Variants in MAP3K15 observed in about 807,000 individuals in gnomAD.
The protein encoded by MAP3K15 is mitogen-activated protein kinase kinase kinase 15.
MAP3K15 carries 124 observed loss-of-function variants against 99.5 expected under a neutral mutation model. That is an observed-to-expected ratio of 1.25 (90% CI 1.08 to 1.45). The LOEUF is 1.45. Ranked by LOEUF, MAP3K15 falls within the 40% of genes most tolerant of loss-of-function variation. The pLI, the probability that MAP3K15 is intolerant of heterozygous loss-of-function variation, is 0.00. For synonymous variants in MAP3K15, 494 were observed against 439.6 expected (o/e 1.12, Z -1.55); for missense variants, 1,242 against 1,079.7 (o/e 1.15, Z -2.11).
intron 1 of MAP3K15, among the ~76,000 whole-genome samples, chrX:19,513,455 T>C (rs1032752690): frequency 1.8e-5 from 2 of 111,824 alleles, no homozygotes; most frequent in African/African-American, 6.5e-5. Flanking sequence ...TGAACGACTT[T>C]TCTAAAAAGA....
chrX:19,402,206 G>A (rs1440437192), intron 13 of MAP3K15, among the ~76,000 whole-genome samples: 1 of 109,746 alleles, frequency 9.1e-6, no homozygotes, highest in Non-Finnish European at 1.9e-5. Context: ...GAGGTAGGAA[G>A]ATTGCTTGAG....
intron 1 of MAP3K15, among the ~76,000 whole-genome samples, chrX:19,505,565 G>A (rs1277205774): frequency 2.7e-5 from 3 of 110,391 alleles, no homozygotes; most frequent in Non-Finnish European, 5.7e-5. Context: ...GTTCCCATGG[G>A]GACCATGGAA....
Position 19,431,746 on chromosome X carries a change from C to T in MAP3K15, c.996-138G>A, listed in dbSNP as rs748632900. On this transcript the variant is annotated intron_variant, in intron 6 of 28. Coordinates refer to ENST00000338883, the MANE Select transcript of MAP3K15 (RefSeq NM_001001671.4). ...AGATCATTTGAGGTCAGGAGTTCAA[C>T]ACCAGCCTGGCCAACATGGTGAAAA... 3.7e-5 allele frequency: 16 copies of T among 434,875 alleles called. No homozygotes were observed. In the South Asian group the frequency reaches 6.8e-4, roughly 19 times the overall value. 35.8% of individuals were successfully genotyped at this position (434,875 alleles called of 1,213,427 possible).
At chrX:19,432,572 GAAAGA>G (rs1393938707) in intron 6 of MAP3K15, among the ~76,000 whole-genome samples, 1 of 104,626 alleles carries the variant, frequency 9.6e-6, no homozygotes. Context: ...AAAAAAAAAA[GAAAGA>G]AAAGAAAAGG....
chrX:19,392,078 G>A lies in MAP3K15; in HGVS notation c.2355C>T (p.Ser785=), dbSNP rs759767293. ...KGDNVLVNTY[S]GVVKISDFGT... is the part of the protein sequence containing the mutation. ...CAAAATCGGAGATTTTCACCACTCCGCTGTAGGTGTTCACCAGAACATTAT... is the reference window on the plus strand; with the variant it reads ...CAAAATCGGAGATTTTCACCACTCCACTGTAGGTGTTCACCAGAACATTAT... Residue 785 remains serine (S), a synonymous_variant, in exon 18 of 29, where the codon AGC becomes AGT. Transcript: ENST00000338883. 1.7e-5 allele frequency: 21 copies of A among 1,208,377 alleles called. No homozygotes were observed. Among genetic ancestry groups the A allele is most frequent in the African/African-American group, 8.7e-5 (5 of 57,234 alleles).
chrX:19,487,317 G>C (rs1343888174), intron 2 of MAP3K15, among the ~76,000 whole-genome samples: 1 of 110,699 alleles, frequency 9.0e-6, no homozygotes, highest in African/African-American at 3.3e-5. Flanking sequence ...AAAACATCTA[G>C]TCCATTGAAC....
At chrX:19,400,883 C>T (rs1351234647) in intron 13 of MAP3K15, among the ~76,000 whole-genome samples, 5 of 111,661 alleles carry the variant, frequency 4.5e-5, no homozygotes, top group Non-Finnish European at 9.4e-5. Flanking sequence ...GTATCTCCAC[C>T]AACTGGTTGA....
In MAP3K15 at chrX:19,360,711, C is replaced by T. The variant is rs1288636445; in HGVS notation, c.*38G>A. ...ACAGAAGCTTTAACAAAACATGTAG[C>T]GTGGTGGGACACTCTGCCACAGCTT... On this transcript the variant is annotated 3_prime_UTR_variant, in exon 29 of 29. Transcript: ENST00000338883. 2.9e-6 allele frequency: 3 copies of T among 1,035,707 alleles called. No homozygotes were observed. Among genetic ancestry groups the T allele is most frequent in the Non-Finnish European group, 4.1e-6 (3 of 739,623 alleles). The allele number at this position is 1,035,707 out of a possible 1,213,427, so 85.4% of individuals were successfully genotyped here.
Position 19,361,408 on chromosome X carries a change from T to C in MAP3K15, c.3788A>G (p.Glu1263Gly). The C allele has an allele frequency of 8.3e-7, 1 of 1,207,502 alleles. No homozygotes were observed. The highest frequency in any genetic ancestry group is 1.1e-6 in the Non-Finnish European group (1 of 891,694). ...AATATCCGAAAGTGTATAACCCTCT[T>C]CAACAATCTGAAACAAAGATCAGAT... ...ADAKTIEKIV[E>G]EGYTLSDILN... The change falls in exon 28 of 29, where the codon GAA becomes GGA. Residue 1263 changes from glutamate (E) to glycine (G), a missense_variant. Coordinates refer to ENST00000338883, the MANE Select transcript of MAP3K15 (RefSeq NM_001001671.4).
chrX:19,365,356 G>A (rs1431950066), intron 25 of MAP3K15, among the ~76,000 whole-genome samples: 1 of 112,360 alleles, frequency 8.9e-6, no homozygotes, highest in African/African-American at 3.2e-5. Context: ...GCCTTGCTGG[G>A]TTTCCCCACT....
intron 9 of MAP3K15, among the ~76,000 whole-genome samples, chrX:19,415,962 T>C (rs1337111967): frequency 8.9e-6 from 1 of 112,024 alleles, no homozygotes; most frequent in Non-Finnish European, 1.9e-5. Flanking sequence ...TAGTGCATAC[T>C]GCACTACTGT....
At chrX:19,367,723 A>ACTTTTTTTTTTTTTTTT (rs2063344451) in intron 25 of MAP3K15, among the ~76,000 whole-genome samples, 3 of 24,107 alleles carry the variant, frequency 1.2e-4, no homozygotes, top group Admixed American at 5.4e-4. Context: ...ATAACTATGG[A>ACTTTTTTTTTTTTTTTT]TTTTTTTTTT....
chrX:19,455,513 A>ATTTTTTTTT (rs755405077), intron 6 of MAP3K15, among the ~76,000 whole-genome samples: 1 of 65,754 alleles, frequency 1.5e-5, no homozygotes, highest in African/African-American at 9.7e-5. Context: ...TGCCTGGCTA[A>ATTTTTTTTT]TTTTTTTTTT....
intron 13 of MAP3K15, among the ~76,000 whole-genome samples, chrX:19,401,079 C>T (rs1325789097): frequency 8.9e-6 from 1 of 111,935 alleles, no homozygotes; most frequent in Admixed American, 9.5e-5. Flanking sequence ...TAGAAGTGCA[C>T]ATAATTTTAC....
intron 15 of MAP3K15, among the ~76,000 whole-genome samples, chrX:19,395,837 AT>A (rs1171251332): frequency 2.7e-5 from 3 of 111,396 alleles, no homozygotes; most frequent in Non-Finnish European, 3.8e-5. Flanking sequence ...GCCTTAAAAA[AT>A]TTTTTTTTGG....
At chrX:19,444,810 C>T (rs184869796) in intron 6 of MAP3K15, among the ~76,000 whole-genome samples, 2 of 111,486 alleles carry the variant, frequency 1.8e-5, no homozygotes, top group East Asian at 5.7e-4. Context: ...AACATCAACT[C>T]CCACAAGGGC....
chrX:19,425,801 G>C, intron 8 of MAP3K15, 111 bp from the exon 9 acceptor site: 1 of 714,615 alleles, frequency 1.4e-6, no homozygotes, highest in Non-Finnish European at 2.0e-6. Flanking sequence ...TATAGGAAAA[G>C]TAACTGATTG....
At chrX:19,406,604 T>C (rs2063649398) in intron 13 of MAP3K15, among the ~76,000 whole-genome samples, 1 of 112,619 alleles carries the variant, frequency 8.9e-6, no homozygotes, top group African/African-American at 3.2e-5. Context: ...AATGACTCTA[T>C]GGATAGTGTG....
At chrX:19,502,442 C>T (rs940442736) in intron 1 of MAP3K15, among the ~76,000 whole-genome samples, 1 of 111,312 alleles carries the variant, frequency 9.0e-6, no homozygotes. Flanking sequence ...CCATGTAAGA[C>T]GTGCCTTGCC....
Sources: allele counts gnomAD v4.1 joint callset (sites outside exome capture counted in the v4.1 genomes callset), GRCh38; gene constraint gnomAD v4.1.1; transcripts MANE v1.5; gene names NCBI Gene and HGNC (gene_info 2026-07-23, HGNC 2026-07-21).